The following RIMBP2 variants were observed in gnomAD, a reference collection of about 807,000 sequenced individuals.
RIMBP2 encodes RIMS-binding protein 2.
A neutral mutation model predicts 118.6 loss-of-function variants in RIMBP2; 48 were observed. That is an observed-to-expected ratio of 0.40 (90% CI 0.32 to 0.51). RIMBP2 has a LOEUF of 0.51. Ranked by LOEUF, RIMBP2 falls within the 20% of genes least tolerant of loss-of-function variation. The probability of loss-of-function intolerance (pLI) is 0.41; values close to 1 mark genes in which losing one functional copy is unlikely to be tolerated. For missense variants in RIMBP2, 1,551 were observed against 1,768.3 expected (o/e 0.88, Z 2.20); for synonymous variants, 762 against 742.9 (o/e 1.03, Z -0.42).
chr12:130,603,593 C>T (rs368075127), intron 2 of RIMBP2, among the ~76,000 whole-genome samples: 2 of 152,128 alleles, frequency 1.3e-5, no homozygotes, highest in South Asian at 2.1e-4. Context: ...TAAGTACAGG[C>T]ATAAGATACA....
chr12:130,589,305 C>T (rs2059114475), intron 2 of RIMBP2, among the ~76,000 whole-genome samples: 1 of 152,172 alleles, frequency 6.6e-6, no homozygotes, highest in Non-Finnish European at 1.5e-5. Context: ...ACAACACACG[C>T]TTTGTTCTGT....
intron 2 of RIMBP2, among the ~76,000 whole-genome samples, chr12:130,589,097 T>C (rs945337810): frequency 1.1e-4 from 16 of 152,210 alleles, no homozygotes; most frequent in Non-Finnish European, 1.9e-4. Flanking sequence ...GAAAAATCAA[T>C]ATTCAGATCT....
chr12:130,615,541 C>A (rs1007596778), intron 2 of RIMBP2, among the ~76,000 whole-genome samples: 1 of 151,878 alleles, frequency 6.6e-6, no homozygotes, highest in Non-Finnish European at 1.5e-5. Flanking sequence ...GAACTCCTGG[C>A]CTCAAGTGAT....
At chr12:130,604,022 G>A (rs2398523) in intron 2 of RIMBP2, among the ~76,000 whole-genome samples, 103,693 of 151,914 alleles carry the variant, frequency 0.68, 35,570 homozygotes, top group South Asian at 0.81. Context: ...GCCGCTCCAC[G>A]CGTGCTTTGC....
chr12:130,421,827 A>C (rs1442757677), intron 17 of RIMBP2, among the ~76,000 whole-genome samples: 1 of 152,174 alleles, frequency 6.6e-6, no homozygotes, highest in Admixed American at 6.5e-5. Context: ...CAATAATAGA[A>C]GTATCCCCCT....
At chr12:130,570,102 T>A (rs1435410794) in intron 2 of RIMBP2, among the ~76,000 whole-genome samples, 32 of 152,142 alleles carry the variant, frequency 2.1e-4, no homozygotes, top group Admixed American at 2.0e-3. Context: ...ATCCACTCTC[T>A]TTCCTCTCTC....
rs68125491 is a variant in RIMBP2, at chr12:130,651,885, T to TA, written c.-351-23430dup. ...TAGCTTTTGGAAAGCTTTTTGATGTTAAAAAAAAAATGTTTAGGAATTAAA... is the reference window on the plus strand; with the variant it reads ...TAGCTTTTGGAAAGCTTTTTGATGTTAAAAAAAAAAATGTTTAGGAATTAAA... On this transcript the variant is annotated intron_variant, in intron 1 of 22. Coordinates refer to ENST00000690449, the MANE Select transcript of RIMBP2 (RefSeq NM_001393629.1). Among the ~76,000 whole-genome samples the TA allele has an allele frequency of 3.2e-3, 476 of 150,634 alleles. 2 individuals are homozygous for TA. The highest frequency in any genetic ancestry group is 9.0e-3 in the South Asian group (43 of 4,774).
chr12:130,652,533 G>A (rs961491170), intron 1 of RIMBP2, among the ~76,000 whole-genome samples: 1 of 151,930 alleles, frequency 6.6e-6, no homozygotes, highest in Non-Finnish European at 1.5e-5. Flanking sequence ...TTGCAGAGTG[G>A]GGGTTTCTAT....
intron 2 of RIMBP2, among the ~76,000 whole-genome samples, chr12:130,598,707 G>T (rs534783810): frequency 3.3e-5 from 5 of 150,490 alleles, no homozygotes; most frequent in African/African-American, 1.2e-4. Context: ...CAGCCTGGGC[G>T]ACTGAGCAAG....
intron 1 of RIMBP2, among the ~76,000 whole-genome samples, chr12:130,698,824 C>T (rs2136734008): frequency 6.6e-6 from 1 of 152,184 alleles, no homozygotes; most frequent in South Asian, 2.1e-4. Flanking sequence ...TTTTTGCAAC[C>T]TACTCATCTG....
At position 130,449,405 on chromosome 12, in the gene RIMBP2, A is replaced by G. The variant is rs1407766217; in HGVS notation, c.581+795T>C. Among the ~76,000 whole-genome samples, 4 of 152,354 alleles carry G rather than the reference A, an allele frequency of 2.6e-5. 1 individual carries two copies. The East Asian group carries it at 7.7e-4, about 29-fold the overall frequency. ...GAGGTGTGCGGGACAAAACTGGCTC[A>G]TTACCTCTCAGCGAGCACAAACACT... is the stretch of plus-strand genomic sequence containing the variant. On this transcript the variant is annotated intron_variant, in intron 9 of 22. Coordinates refer to ENST00000690449, the MANE Select transcript of RIMBP2 (RefSeq NM_001393629.1).
intron 2 of RIMBP2, among the ~76,000 whole-genome samples, chr12:130,527,748 G>GA (rs151150103): frequency 0.01 from 1,355 of 131,296 alleles, 17 homozygotes; most frequent in African/African-American, 0.028. Context: ...ACTTACAAGA[G>GA]AAAAAAAAAA....
At position 130,703,287 on chromosome 12, in the gene RIMBP2, G is replaced by A. The variant is rs771344663; in HGVS notation, c.-352+12935C>T. 1.3e-5 allele frequency among the ~76,000 whole-genome samples: 2 copies of A among 152,068 alleles called. No homozygotes were observed. The highest frequency in any genetic ancestry group is 2.9e-5 in the Non-Finnish European group (2 of 68,008). On this transcript the variant is annotated intron_variant, in intron 1 of 22. Transcript: ENST00000690449. The surrounding 1 kb of genome is among the most constrained non-coding windows in gnomAD (Gnocchi z 5.7). The stretch of plus-strand genomic sequence containing the variant: ...TAACCTCCAGGCGGGCTCCCCCTCC[G>A]CCCTGGACATTTTCAGTTTCCTGCA...
intron 1 of RIMBP2, among the ~76,000 whole-genome samples, chr12:130,701,548 G>C (rs1301747460): frequency 2.0e-5 from 3 of 152,074 alleles, no homozygotes; most frequent in Non-Finnish European, 4.4e-5. Flanking sequence ...AGTCAGGCCC[G>C]CGTCTGAACA....
chr12:130,502,613 C>T (rs2049907203), intron 4 of RIMBP2, among the ~76,000 whole-genome samples: 1 of 152,280 alleles, frequency 6.6e-6, no homozygotes, highest in South Asian at 2.1e-4. Flanking sequence ...TTTTAAAGTG[C>T]CACCATCAGC....
At chr12:130,487,379 C>T (rs2138341992) in intron 4 of RIMBP2, among the ~76,000 whole-genome samples, 1 of 152,258 alleles carries the variant, frequency 6.6e-6, no homozygotes, top group South Asian at 2.1e-4. Context: ...TAAGTGAGTT[C>T]TTGCTCTGAG....
At chr12:130,691,832 T>G (rs1481995946) in intron 1 of RIMBP2, among the ~76,000 whole-genome samples, 1 of 152,136 alleles carries the variant, frequency 6.6e-6, no homozygotes, top group African/African-American at 2.4e-5. Context: ...CAAGTAGAAA[T>G]TAGCAGGAGA....
chr12:130,642,004 T>C (rs2062643838), intron 1 of RIMBP2, among the ~76,000 whole-genome samples: 1 of 152,172 alleles, frequency 6.6e-6, no homozygotes, highest in African/African-American at 2.4e-5. Context: ...GGTCAAATGC[T>C]GTGTCTAAGG....
At chr12:130,566,069 T>C (rs2057193441) in intron 2 of RIMBP2, among the ~76,000 whole-genome samples, 1 of 152,194 alleles carries the variant, frequency 6.6e-6, no homozygotes, top group Non-Finnish European at 1.5e-5. Flanking sequence ...GTAATCTGCC[T>C]GCCCAAGGTC....
Sources: gnomAD v4.1 joint callset for allele counts (sites outside exome capture counted in the v4.1 genomes callset) on GRCh38, gnomAD v4.1.1 for gene constraint, Gnocchi (gnomAD v3.1) non-coding constraint, MANE v1.5 for transcripts, NCBI Gene and HGNC (gene_info 2026-07-23, HGNC 2026-07-21) for gene names.